ILDR1: variants seen among roughly 807,000 people sequenced by gnomAD.
ILDR1 encodes the protein immunoglobulin like domain containing receptor 1.
A neutral mutation model predicts 62.4 loss-of-function variants in ILDR1; 56 were observed. The observed-to-expected ratio is 0.90, with a 90% confidence interval of 0.72 to 1.12. ILDR1 has a LOEUF of 1.12. Ranked by LOEUF, ILDR1 falls within the 50% of genes most tolerant of loss-of-function variation. The pLI is 0.00. For missense variants in ILDR1, 736 were observed against 710.6 expected (o/e 1.04, Z -0.41); for synonymous variants, 284 against 277.8 (o/e 1.02, Z -0.22).
At chr3:122,050,563 T>C in the ILDR1 span, among the ~76,000 whole-genome samples, 2 of 139,428 alleles carry the variant, frequency 1.4e-5, no homozygotes, top group Non-Finnish European at 3.1e-5. Context: ...CCCACAGTTA[T>C]GGATGTCACA....
chr3:122,055,367 T>G, the ILDR1 span: 1 of 921,688 alleles, frequency 1.1e-6, no homozygotes, highest in Admixed American at 1.8e-5. Flanking sequence ...TATACAGTCA[T>G]TGCCGAGGAA....
At chr3:122,001,667 G>GTTTT in intron 4 of ILDR1, 78 bp downstream of exon 4, 4 of 1,413,924 alleles carry the variant, frequency 2.8e-6, no homozygotes, top group South Asian at 1.2e-5. Flanking sequence ...CTTATTTCTG[G>GTTTT]TTTTTTTTTT....
At chr3:122,038,013 C>A in the ILDR1 span, among the ~76,000 whole-genome samples, 1 of 152,104 alleles carries the variant, frequency 6.6e-6, no homozygotes, top group Non-Finnish European at 1.5e-5. Context: ...TCCTCCTTCA[C>A]CTTCTACCAT....
the ILDR1 span, among the ~76,000 whole-genome samples, chr3:122,041,910 C>CTT: frequency 2.1e-5 from 3 of 141,068 alleles, no homozygotes; most frequent in Admixed American, 7.1e-5. Context: ...ATTTCTTTTT[C>CTT]TTTTTTTTTT....
chr3:122,038,732 T>C, the ILDR1 span, among the ~76,000 whole-genome samples: 1 of 152,054 alleles, frequency 6.6e-6, no homozygotes, highest in African/African-American at 2.4e-5. Context: ...ATCAAATGAC[T>C]TATTGGAAAG....
rs750391703 is a variant in ILDR1, at chr3:122,001,431, T to C, written c.523A>G (p.Ile175Val). The change falls in exon 5 of 8, where the codon ATC (isoleucine) becomes GTC (valine). Residue 175 changes from isoleucine to valine, a missense_variant. By Grantham distance (29) the Ile-to-Val change is conservative. Transcript: ENST00000344209. ...AGCAGGAGGAGGAGGGCTCCCAGGA[T>C]GATGAAGATCACTGTCAGCCAGTCT... is the stretch of plus-strand genomic sequence containing the variant. ...VLHWLTVIFI[I>V]LGALLLLLLI... 3 of 1,613,944 alleles carry C rather than the reference T, an allele frequency of 1.9e-6. No homozygotes were observed. The highest frequency in any genetic ancestry group is 2.2e-5 in the East Asian group (1 of 44,884).
At chr3:122,048,816 T>A in the ILDR1 span, among the ~76,000 whole-genome samples, 1 of 152,130 alleles carries the variant, frequency 6.6e-6, no homozygotes, top group African/African-American at 2.4e-5. Flanking sequence ...TCTTTTTTTT[T>A]ATAGAGACAG....
chr3:122,017,802 T>C (rs530752535), intron 1 of ILDR1, among the ~76,000 whole-genome samples: 1 of 152,352 alleles, frequency 6.6e-6, no homozygotes, highest in African/African-American at 2.4e-5. Context: ...ATACTCATCA[T>C]CACTGGTCAC....
At chr3:122,036,588 C>CAAAA in the ILDR1 span, among the ~76,000 whole-genome samples, 1 of 98,560 alleles carries the variant, frequency 1.0e-5, no homozygotes, top group Non-Finnish European at 2.1e-5. Context: ...GACTCCATTT[C>CAAAA]AAAAAAAAAA....
chr3:122,048,654 A>C, the ILDR1 span, among the ~76,000 whole-genome samples: 1 of 152,142 alleles, frequency 6.6e-6, no homozygotes, highest in African/African-American at 2.4e-5. Context: ...CAGCTTTGGT[A>C]GGTTCTGTTT....
At chr3:122,056,831 A>C in the ILDR1 span, among the ~76,000 whole-genome samples, 1 of 152,224 alleles carries the variant, frequency 6.6e-6, no homozygotes, top group African/African-American at 2.4e-5. Context: ...TTCAAAATTT[A>C]TAATTTTTGT....
At chr3:122,003,197 T>C (rs1232990960) in intron 3 of ILDR1, among the ~76,000 whole-genome samples, 3 of 152,234 alleles carry the variant, frequency 2.0e-5, no homozygotes, top group African/African-American at 7.2e-5. Context: ...CATTACAGAC[T>C]TGCTCCTGCT....
rs1276551408 is a variant in ILDR1, at chr3:122,022,114, TC to T, written c.-38del. On this transcript the variant is annotated 5_prime_UTR_variant, in exon 1 of 8. Coordinates refer to ENST00000344209, the MANE Select transcript of ILDR1 (RefSeq NM_001199799.2). ...TCTGGCCCTTTTCAGCTCAGGGGCTTCGGGGCACTGCGTCTTTCTTCCTCAG... is the reference window on the plus strand; with the variant it reads ...TCTGGCCCTTTTCAGCTCAGGGGCTTGGGGCACTGCGTCTTTCTTCCTCAG... 3.8e-6 allele frequency: 6 copies of T among 1,558,836 alleles called. No homozygotes were observed. The South Asian group carries it at 7.0e-5, about 18-fold the overall frequency.
chr3:122,051,719 CACAA>C, the ILDR1 span, among the ~76,000 whole-genome samples: 2 of 152,050 alleles, frequency 1.3e-5, no homozygotes, highest in African/African-American at 4.8e-5. Flanking sequence ...AAACAAAACA[CACAA>C]ACAAACAACA....
intron 1 of ILDR1, among the ~76,000 whole-genome samples, chr3:122,010,797 G>A (rs548627405): frequency 2.8e-4 from 42 of 152,284 alleles, no homozygotes; most frequent in African/African-American, 9.6e-4. Context: ...GAAGAGAGAG[G>A]AAAACACTGA....
intron 7 of ILDR1, among the ~76,000 whole-genome samples, chr3:121,992,458 C>T (rs1406869638): frequency 6.6e-6 from 1 of 152,212 alleles, no homozygotes; most frequent in Non-Finnish European, 1.5e-5. Context: ...TTTAAAGTCA[C>T]TTCTTTAAAA....
Position 121,993,185 on chromosome 3 carries a change from T to G in ILDR1, c.1564A>C (p.Asn522His). The G allele has an allele frequency of 6.2e-7, 1 of 1,612,382 alleles. No individual in the cohort carries two copies. Among genetic ancestry groups the G allele is most frequent in the Non-Finnish European group, 8.5e-7 (1 of 1,179,306 alleles). The change falls in exon 7 of 8, where the codon AAT (asparagine) becomes CAT (histidine). Residue 522 changes from asparagine to histidine, a missense_variant. Transcript: ENST00000344209. The part of the protein sequence containing the change: ...YRSLDITPGK[N>H]SRKKGSVERR... ...TCCACACTCCCTTTTTTCCTGCTATTCTTGCCTGGAGTGATATCAAGTGAG... is the reference window on the plus strand; with the variant it reads ...TCCACACTCCCTTTTTTCCTGCTATGCTTGCCTGGAGTGATATCAAGTGAG...
At chr3:122,047,262 G>A in the ILDR1 span, among the ~76,000 whole-genome samples, 1 of 152,152 alleles carries the variant, frequency 6.6e-6, no homozygotes, top group Non-Finnish European at 1.5e-5. Flanking sequence ...CACTTGAGAA[G>A]GCAGTCTGCC....
At chr3:121,997,825 C>A (rs757561388) in intron 5 of ILDR1, among the ~76,000 whole-genome samples, 4 of 152,182 alleles carry the variant, frequency 2.6e-5, no homozygotes, top group Non-Finnish European at 5.9e-5. Flanking sequence ...GTTTCCATTT[C>A]AAAAATGTCT....
Sources: allele counts gnomAD v4.1 joint callset (sites outside exome capture counted in the v4.1 genomes callset), GRCh38; gene constraint gnomAD v4.1.1; transcripts MANE v1.5; gene names NCBI Gene and HGNC (gene_info 2026-07-23, HGNC 2026-07-21).